NIPBL: variants seen among roughly 807,000 people sequenced by gnomAD.
NIPBL encodes the protein nipped-B-like protein.
In NIPBL, 19 loss-of-function variants were observed where a neutral mutation model predicts 321.8. The ratio of observed to expected loss-of-function variants is 0.06; its 90% confidence interval spans 0.04 to 0.09. NIPBL has a LOEUF of 0.09. NIPBL is among the 10% of genes least tolerant of loss of function. The pLI is 1.00. For missense variants in NIPBL, 2,210 were observed against 3,327.0 expected (o/e 0.66, Z 8.26); for synonymous variants, 1,106 against 1,114.1 (o/e 0.99, Z 0.14).
rs1164174135 is a variant in NIPBL at position 36,965,712 on chromosome 5, G to A, written c.610+3438G>A. On this transcript the variant is annotated intron_variant, in intron 6 of 46. Coordinates refer to ENST00000282516, the MANE Select transcript of NIPBL (RefSeq NM_133433.4). ...CAGAAAAGACAAATATTAAGGTGGT[G>A]GATATCTGAATTACACTGATGCAAT... is the stretch of plus-strand genomic sequence containing the variant. 2.0e-5 allele frequency among the ~76,000 whole-genome samples: 3 copies of A among 151,970 alleles called. No homozygotes were observed. In the East Asian group the frequency reaches 5.8e-4, roughly 29 times the overall value.
At position 37,060,824 on chromosome 5, in the gene NIPBL, G is replaced by T. The variant is rs779561171; in HGVS notation, c.7686-20G>T. On this transcript the variant is annotated intron_variant, in intron 44 of 46. Coordinates refer to ENST00000282516, the MANE Select transcript of NIPBL (RefSeq NM_133433.4). ...TGTTTCCATAGTTTTAAAGTTTTTG[G>T]TTTTGTTTTCCCAAAACAGTAAAAT... 2 of 1,608,618 alleles carry T rather than the reference G, an allele frequency of 1.2e-6. No homozygotes were observed. The highest frequency in any genetic ancestry group is 3.4e-5 in the Admixed American group (2 of 59,520).
At chr5:36,968,105 A>C (rs201779273) in intron 6 of NIPBL, among the ~76,000 whole-genome samples, 142 of 149,934 alleles carry the variant, frequency 9.5e-4, no homozygotes, top group East Asian at 5.7e-3. Flanking sequence ...CAAAAAAAAA[A>C]AAAAAACAAA....
chr5:36,935,056 A>G (rs563448308), intron 1 of NIPBL, among the ~76,000 whole-genome samples: 2 of 152,240 alleles, frequency 1.3e-5, no homozygotes, highest in South Asian at 4.1e-4. Flanking sequence ...CTTGCATACA[A>G]ATACCTTCAG....
At chr5:36,968,867 G>A (rs928043081) in intron 6 of NIPBL, among the ~76,000 whole-genome samples, 4 of 152,110 alleles carry the variant, frequency 2.6e-5, no homozygotes, top group Admixed American at 2.6e-4. Flanking sequence ...ATAATTATTG[G>A]TAAGGAAGAA....
intron 27 of NIPBL, among the ~76,000 whole-genome samples, chr5:37,021,606 G>A (rs1053518745): frequency 5.3e-5 from 8 of 151,984 alleles, no homozygotes; most frequent in Admixed American, 2.6e-4. Flanking sequence ...GCTTGAACCC[G>A]GGAGATGGAG....
chr5:37,009,280 A>G (rs1747814982), intron 20 of NIPBL, among the ~76,000 whole-genome samples: 1 of 152,236 alleles, frequency 6.6e-6, no homozygotes, highest in Non-Finnish European at 1.5e-5. Flanking sequence ...AGTATGGAGA[A>G]TAAACATGGG....
chr5:36,982,807 A>G (rs890591931), intron 9 of NIPBL, among the ~76,000 whole-genome samples: 22 of 152,018 alleles, frequency 1.4e-4, no homozygotes, highest in Middle Eastern at 3.4e-3. Context: ...ACTGTGCATA[A>G]AAGAGTCAGC....
At position 36,954,151 on chromosome 5, in the gene NIPBL, A is replaced by G. The variant is rs1740694828; in HGVS notation, c.64+391A>G. Among the ~76,000 whole-genome samples, 3 of 152,188 alleles carry G rather than the reference A, an allele frequency of 2.0e-5. No individual in the cohort carries two copies. The South Asian group carries it at 6.2e-4, about 31-fold the overall frequency. On this transcript the variant is annotated intron_variant, in intron 2 of 46. Coordinates refer to ENST00000282516, the MANE Select transcript of NIPBL (RefSeq NM_133433.4). ...ATAATGATACAAAAAGCTACCTACA[A>G]TTTTAGTTACTGTGTCATCCTACCT...
chr5:37,023,624 GTTCTTAGA>G (rs1219707241), intron 29 of NIPBL, among the ~76,000 whole-genome samples: 9 of 151,842 alleles, frequency 5.9e-5, no homozygotes, highest in Non-Finnish European at 1.0e-4. Flanking sequence ...CTGAATACTA[GTTCTTAGA>G]TCCTCCATTG....
At position 36,952,047 on chromosome 5, in the gene NIPBL, TGTGTGTGC is replaced by T. The variant is rs1376905109; in HGVS notation, c.-79-1569_-79-1562del. ...GTGTGTGTGTGTGTGTGTGTGTGTG[TGTGTGTGC>T]GCGCGCGCGCGCGCGCGCATGTGTG... On this transcript the variant is annotated intron_variant, in intron 1 of 46. Transcript: ENST00000282516. 1.9e-3 allele frequency among the ~76,000 whole-genome samples: 224 copies of T among 116,080 alleles called. 1 individual carries two copies. The highest frequency in any genetic ancestry group is 6.0e-3 in the African/African-American group (213 of 35,426). The allele number at this position is 116,080 out of a possible 152,430, so 76.2% of individuals were successfully genotyped here.
At chr5:37,008,965 C>T (rs1306748310) in intron 20 of NIPBL, among the ~76,000 whole-genome samples, 2 of 152,160 alleles carry the variant, frequency 1.3e-5, no homozygotes, top group African/African-American at 4.8e-5. Context: ...GCACTGTTGA[C>T]ATTTTAGGCC....
intron 1 of NIPBL, among the ~76,000 whole-genome samples, chr5:36,888,240 T>A (rs547323901): frequency 6.6e-6 from 1 of 152,180 alleles, no homozygotes; most frequent in South Asian, 2.1e-4. Flanking sequence ...AGGTGTAATC[T>A]TTAGTAACAG....
chr5:37,023,185 GAAAC>G (rs1017437423), intron 29 of NIPBL, among the ~76,000 whole-genome samples: 2 of 152,158 alleles, frequency 1.3e-5, no homozygotes, highest in Non-Finnish European at 2.9e-5. Context: ...TCTTGGTTGA[GAAAC>G]AAATAATTTA....
chr5:37,013,289 G>T (rs973555804), intron 21 of NIPBL, among the ~76,000 whole-genome samples: 1 of 150,032 alleles, frequency 6.7e-6, no homozygotes, highest in African/African-American at 2.5e-5. Flanking sequence ...GGCTGGCCAG[G>T]CGGGGGGCTG....
intron 16 of NIPBL, among the ~76,000 whole-genome samples, chr5:37,006,051 G>A (rs1352211021): frequency 6.6e-6 from 1 of 152,062 alleles, no homozygotes; most frequent in East Asian, 1.9e-4. Context: ...TTTATATGCA[G>A]TTAAAGTCAT....
chr5:37,035,254 A>G (rs988976578), intron 32 of NIPBL, among the ~76,000 whole-genome samples: 3 of 152,212 alleles, frequency 2.0e-5, no homozygotes, highest in Non-Finnish European at 4.4e-5. Flanking sequence ...CTGAGTGACA[A>G]TGAGACCCTG....
intron 1 of NIPBL, among the ~76,000 whole-genome samples, chr5:36,949,839 G>C (rs1328557554): frequency 6.6e-6 from 1 of 151,804 alleles, no homozygotes; most frequent in Non-Finnish European, 1.5e-5. Context: ...GTTTGCTTGA[G>C]GAAGTTGTAA....
At chr5:37,033,048 T>C (rs1385991136) in intron 32 of NIPBL, among the ~76,000 whole-genome samples, 1 of 152,200 alleles carries the variant, frequency 6.6e-6, no homozygotes, top group Non-Finnish European at 1.5e-5. Context: ...TAGGTTAACA[T>C]TAAAGTAGAA....
At chr5:37,042,367 G>A (rs765883075) in intron 34 of NIPBL, among the ~76,000 whole-genome samples, 3 of 152,090 alleles carry the variant, frequency 2.0e-5, no homozygotes, top group Non-Finnish European at 4.4e-5. Context: ...CCTTGGAGGC[G>A]GAGGTTGCAG....
Sources: gnomAD v4.1 joint callset for allele counts (sites outside exome capture counted in the v4.1 genomes callset) on GRCh38, gnomAD v4.1.1 for gene constraint, MANE v1.5 for transcripts, NCBI Gene and HGNC (gene_info 2026-07-23, HGNC 2026-07-21) for gene names.